CUX1: variants seen among roughly 807,000 people sequenced by gnomAD.
The protein encoded by CUX1 is protein CASP.
CUX1 carries 31 observed loss-of-function variants against 158.8 expected under a neutral mutation model. The observed-to-expected ratio is 0.20, with a 90% confidence interval of 0.15 to 0.26. CUX1 has a LOEUF of 0.26. CUX1 is among the 10% of genes least tolerant of loss of function. The pLI, the probability that CUX1 is intolerant of heterozygous loss-of-function variation, is 1.00. For missense variants in CUX1, 1,589 were observed against 2,014.6 expected, an observed-to-expected ratio of 0.79 and a Z score of 4.04; for synonymous variants, 879 against 862.1, an observed-to-expected ratio of 1.02 and a Z score of -0.34.
chr7:102,240,939 G>C (rs1002113365), intron 23 of CUX1, among the ~76,000 whole-genome samples: 1 of 152,114 alleles, frequency 6.6e-6, no homozygotes, highest in African/African-American at 2.4e-5. Flanking sequence ...TCCTGCCTCA[G>C]CCTCCTGAGT....
At chr7:102,027,259 C>T (rs1820153946) in intron 2 of CUX1, among the ~76,000 whole-genome samples, 1 of 151,994 alleles carries the variant, frequency 6.6e-6, no homozygotes. Flanking sequence ...TGTAGTCCCA[C>T]TTACTCGGGA....
intron 20 of CUX1, among the ~76,000 whole-genome samples, chr7:102,226,606 C>T (rs528734637): frequency 1.3e-5 from 2 of 151,702 alleles, no homozygotes; most frequent in South Asian, 2.1e-4. Context: ...GAAGCTATAG[C>T]CTTATGTTTC....
chr7:102,214,531 C>A (rs1033623939), intron 20 of CUX1, among the ~76,000 whole-genome samples: 4 of 152,232 alleles, frequency 2.6e-5, no homozygotes, highest in Admixed American at 6.5e-5. Context: ...ATCCACCTGG[C>A]CTAGGCTGCA....
At chr7:101,884,390 T>G (rs917075804) in intron 1 of CUX1, among the ~76,000 whole-genome samples, 4 of 152,218 alleles carry the variant, frequency 2.6e-5, no homozygotes, top group Admixed American at 2.6e-4. Context: ...CATAATTAGA[T>G]AACGTGTTTT....
chr7:101,877,538 T>C (rs1252581955), intron 1 of CUX1, among the ~76,000 whole-genome samples: 4 of 152,038 alleles, frequency 2.6e-5, no homozygotes, highest in African/African-American at 9.7e-5. Flanking sequence ...AATACAAAAA[T>C]TAGCTGGGCA....
In CUX1 at chr7:102,255,558, C is replaced by T; in HGVS notation, c.*6516C>T. The T allele has an allele frequency of 1.0e-6, 1 of 985,406 alleles. No individual in the cohort carries two copies. Among genetic ancestry groups the T allele is most frequent in the African/African-American group, 1.7e-5 (1 of 57,346 alleles). The allele number at this position is 985,406 out of a possible 1,614,324, so 61.0% of individuals were successfully genotyped here. ...GTTAAGAAAGCATTAGTCTACGTTACTGTAATTTCTGTAGTGTTTACGCTT... is the reference window on the plus strand; with the variant it reads ...GTTAAGAAAGCATTAGTCTACGTTATTGTAATTTCTGTAGTGTTTACGCTT... On this transcript the variant is annotated 3_prime_UTR_variant, in exon 24 of 24. Transcript: ENST00000292535.
Position 102,252,249 on chromosome 7 carries a change from G to A in CUX1, c.*3207G>A. The A allele has an allele frequency of 2.0e-6, 2 of 985,478 alleles. No homozygotes were observed. Among genetic ancestry groups the A allele is most frequent in the South Asian group, 9.4e-5 (2 of 21,288 alleles). 61.0% of individuals were successfully genotyped at this position (985,478 alleles called of 1,614,324 possible). The stretch of plus-strand genomic sequence containing the variant: ...GTGGCCAGGGGAGCACCCCCTCCTG[G>A]TTGGGCCCCTCAGTTGGAGTCTAAG... On this transcript the variant is annotated 3_prime_UTR_variant, in exon 24 of 24. Coordinates refer to ENST00000292535, the MANE Select transcript of CUX1 (RefSeq NM_181552.4).
At chr7:101,870,623 CTT>C (rs1273860916) in intron 1 of CUX1, among the ~76,000 whole-genome samples, 1 of 152,182 alleles carries the variant, frequency 6.6e-6, no homozygotes, top group Non-Finnish European at 1.5e-5. Flanking sequence ...GCTAGGGACT[CTT>C]CTCAGATTAT....
rs57612806 is a variant in CUX1 at position 101,899,072 on chromosome 7, C to G, written c.31-17043C>G. ...GCAGAGAAGTGGCTGGAGAGCATCA[C>G]CAAGGCTGCCTGGTCCAAGTTGCTT... On this transcript the variant is annotated intron_variant, in intron 1 of 23. Coordinates refer to ENST00000292535, the MANE Select transcript of CUX1 (RefSeq NM_181552.4). Among the ~76,000 whole-genome samples, 886 of 152,286 alleles carry G rather than the reference C, an allele frequency of 5.8e-3. 11 individuals carry two copies. The highest frequency in any genetic ancestry group is 0.02 in the African/African-American group (828 of 41,556).
chr7:102,028,217 G>C, intron 3 of CUX1, 72 bp downstream of exon 3: 2 of 1,520,472 alleles, frequency 1.3e-6, no homozygotes, highest in Admixed American at 1.7e-5. Context: ...TCACATTAAA[G>C]AAATGCTCCG....
intron 2 of CUX1, among the ~76,000 whole-genome samples, chr7:101,947,948 A>G (rs1176607779): frequency 6.6e-6 from 1 of 152,170 alleles, no homozygotes; most frequent in Non-Finnish European, 1.5e-5. Flanking sequence ...ATTGGGACTA[A>G]TTTCTGTTGC....
chr7:101,817,276 C>G, upstream of CUX1: 2 of 984,904 alleles, frequency 2.0e-6, no homozygotes, highest in South Asian at 9.4e-5. The surrounding 1 kb of genome is among the most constrained non-coding windows in gnomAD (Gnocchi z 4.1). Context: ...CCCCCGGTGA[C>G]CTGCGGCGCC....
intron 23 of CUX1, among the ~76,000 whole-genome samples, chr7:102,244,740 C>T (rs561609323): frequency 9.2e-5 from 14 of 152,190 alleles, no homozygotes; most frequent in East Asian, 3.9e-4. Context: ...GGATTGATGA[C>T]GAGATTGCCA....
downstream of CUX1, among the ~76,000 whole-genome samples, chr7:102,259,326 G>A (rs1015528795): frequency 1.3e-5 from 2 of 152,196 alleles, no homozygotes; most frequent in South Asian, 2.1e-4. Flanking sequence ...AGTGGCTCAC[G>A]CCTGTAATCC....
In CUX1 at chr7:102,257,046, C is replaced by T. The variant is rs1052101683; in HGVS notation, c.*8004C>T. 1 of 985,350 alleles carries T rather than the reference C, an allele frequency of 1.0e-6. No individual in the cohort carries two copies. Among genetic ancestry groups the T allele is most frequent in the Non-Finnish European group, 1.2e-6 (1 of 829,958 alleles). The allele number at this position is 985,350 out of a possible 1,614,324, so 61.0% of individuals were successfully genotyped here. On this transcript the variant is annotated 3_prime_UTR_variant, in exon 24 of 24. Coordinates refer to ENST00000292535, the MANE Select transcript of CUX1 (RefSeq NM_181552.4). ...GGGTGTGGAGATTGCTTGCTGTGGC[C>T]CCAAGCTCAGCCAGCAGGACACCCA...
intron 3 of CUX1, among the ~76,000 whole-genome samples, chr7:102,029,900 C>G (rs1369364081): frequency 1.3e-5 from 2 of 152,140 alleles, no homozygotes; most frequent in African/African-American, 4.8e-5. Context: ...CTTCCTAGTT[C>G]TCTCGCTCAA....
chr7:102,012,391 T>C (rs374067433), intron 2 of CUX1, among the ~76,000 whole-genome samples: 8 of 152,194 alleles, frequency 5.3e-5, no homozygotes, highest in African/African-American at 1.9e-4. Context: ...TTTCACCATG[T>C]AGGCCAGGCT....
intron 1 of CUX1, chr7:101,913,268 TG>T: frequency 1.3e-6 from 1 of 755,074 alleles, no homozygotes. Context: ...TCTGTTTCTG[TG>T]GTGGCGGGTG....
At chr7:101,933,394 GA>G (rs1443856560) in intron 2 of CUX1, among the ~76,000 whole-genome samples, 1 of 152,064 alleles carries the variant, frequency 6.6e-6, no homozygotes, top group Non-Finnish European at 1.5e-5. Flanking sequence ...CAACAAAAAA[GA>G]ATTAGATTTT....
Sources: allele counts gnomAD v4.1 joint callset (sites outside exome capture counted in the v4.1 genomes callset), GRCh38; gene constraint gnomAD v4.1.1; non-coding constraint Gnocchi (gnomAD v3.1); transcripts MANE v1.5; gene names NCBI Gene and HGNC (gene_info 2026-07-23, HGNC 2026-07-21).